The following HYDIN variants were observed in gnomAD, a reference collection of about 807,000 sequenced individuals.
HYDIN encodes HYDIN axonemal central pair apparatus protein.
Under a neutral mutation model 403.9 loss-of-function variants are expected in HYDIN, and 132 were observed. The observed-to-expected ratio is 0.33, with a 90% CI of 0.28 to 0.38. The LOEUF is 0.38. Among genes scored for constraint, HYDIN ranks in the 10% least tolerant of loss-of-function variants. The pLI is 1.00. For missense variants in HYDIN, 2,827 were observed against 5,009.5 expected (o/e 0.56, Z 13.15); for synonymous variants, 1,202 against 1,891.7 (o/e 0.64, Z 9.46).
Position 71,082,962 on chromosome 16 carries a change from T to TA in HYDIN, c.1671-3011dup, listed in dbSNP as rs1741579759. Among the ~76,000 whole-genome samples, 2 of 151,840 alleles carry TA rather than the reference T, an allele frequency of 1.3e-5. 1 individual carries two copies. Among genetic ancestry groups the TA allele is most frequent in the African/African-American group, 4.8e-5 (2 of 41,318 alleles). On this transcript the variant is annotated intron_variant, in intron 12 of 85. Coordinates refer to ENST00000393567, the MANE Select transcript of HYDIN (RefSeq NM_001270974.2). ...ACTACAGTCAATTTGAAAACGTTTT[T>TA]ATCACCTCAAAAAGAAACCTCATGC...
At chr16:71,073,412 G>A (rs4327057) in intron 13 of HYDIN, among the ~76,000 whole-genome samples, 4,444 of 152,036 alleles carry the variant, frequency 0.029, 479 homozygotes, top group Admixed American at 0.21. Context: ...ATTACAATCC[G>A]GTTTTGCTCC....
At chr16:71,161,615 G>A (rs113628996) in intron 6 of HYDIN, among the ~76,000 whole-genome samples, 1 of 152,150 alleles carries the variant, frequency 6.6e-6, no homozygotes, top group Non-Finnish European at 1.5e-5. Context: ...AGCTCACCAC[G>A]CTGAACTCTT....
At position 70,981,560 on chromosome 16, in the gene HYDIN, G is replaced by T. The variant is rs762867957; in HGVS notation, c.4341C>A (p.Ile1447=). The T allele has an allele frequency of 6.2e-7, 1 of 1,611,808 alleles. No individual in the cohort carries two copies. The highest frequency in any genetic ancestry group is 1.3e-5 in the African/African-American group (1 of 74,854). ...TTAATACCTGCTCTTGATGTGAACT[G>T]ATAAAGCCCTACGCGGTAGAAAGAC... The part of the protein sequence containing the change: ...VPLILPVSGF[I]SSHQEQVLKV... The change falls in exon 29 of 86, where the codon ATC becomes ATA. Residue 1447 remains isoleucine (I), a synonymous_variant. Coordinates refer to ENST00000393567, the MANE Select transcript of HYDIN (RefSeq NM_001270974.2).
At chr16:71,051,667 AAC>A (rs2081652530) in intron 18 of HYDIN, among the ~76,000 whole-genome samples, 3 of 112,198 alleles carry the variant, frequency 2.7e-5, no homozygotes, top group African/African-American at 9.6e-5. Context: ...AAACAAAAAA[AAC>A]AAAAAAAAGA....
chr16:71,012,214 A>G (rs1261658707), intron 23 of HYDIN, among the ~76,000 whole-genome samples: 1 of 152,308 alleles, frequency 6.6e-6, no homozygotes, highest in East Asian at 1.9e-4. Context: ...CAAGCTGATC[A>G]GTTAGACTGA....
At chr16:70,960,940 C>T (rs2078398505) in intron 38 of HYDIN, among the ~76,000 whole-genome samples, 1 of 152,260 alleles carries the variant, frequency 6.6e-6, no homozygotes, top group Non-Finnish European at 1.5e-5. Flanking sequence ...ATCCGCCTGC[C>T]TTGGCCTCCC....
intron 1 of HYDIN, among the ~76,000 whole-genome samples, chr16:71,228,603 A>G (rs1410551276): frequency 6.6e-6 from 1 of 152,220 alleles, no homozygotes; most frequent in Admixed American, 6.5e-5. Context: ...CAAAACCACA[A>G]TAAGATACCA....
At chr16:71,199,089 G>T (rs555505138) in intron 1 of HYDIN, among the ~76,000 whole-genome samples, 2 of 152,128 alleles carry the variant, frequency 1.3e-5, no homozygotes, top group Non-Finnish European at 2.9e-5. Context: ...ATGAGACGGC[G>T]TATCTTTTCA....
At chr16:71,041,422 T>A (rs2144196884) in intron 18 of HYDIN, among the ~76,000 whole-genome samples, 1 of 152,320 alleles carries the variant, frequency 6.6e-6, no homozygotes. Flanking sequence ...TCAGCAAAAT[T>A]AAGACACAAG....
At chr16:70,839,944 T>G (rs2037701735) in intron 76 of HYDIN, 120 bp downstream of exon 76, 1 of 663,790 alleles carries the variant, frequency 1.5e-6, no homozygotes, top group Admixed American at 3.0e-5. Context: ...CCACTTTTGT[T>G]TGACTCTTTC....
At chr16:70,916,244 G>A (rs1267727187) in intron 47 of HYDIN, among the ~76,000 whole-genome samples, 1 of 152,120 alleles carries the variant, frequency 6.6e-6, no homozygotes, top group Non-Finnish European at 1.5e-5. Flanking sequence ...GCCTCTGGCT[G>A]TCCTCCTGAA....
At chr16:70,976,387 G>A (rs570296932) in intron 30 of HYDIN, among the ~76,000 whole-genome samples, 476 of 151,620 alleles carry the variant, frequency 3.1e-3, no homozygotes, top group Non-Finnish European at 5.2e-3. Flanking sequence ...TGGGTTGGAG[G>A]GAGATTTTGT....
chr16:70,955,397 G>A lies in HYDIN; in HGVS notation c.6294C>T (p.Ser2098=), dbSNP rs371667050. 8.1e-6 allele frequency: 13 copies of A among 1,609,750 alleles called. No individual in the cohort carries two copies. Among genetic ancestry groups the A allele is most frequent in the Admixed American group, 6.8e-5 (4 of 58,634 alleles). Residue 2098 remains serine (S), a synonymous_variant, in exon 40 of 86, where the codon TCC becomes TCT. Coordinates refer to ENST00000393567, the MANE Select transcript of HYDIN (RefSeq NM_001270974.2). ...ELCIRAAIEQ[S]VKEGEEAAQE... ...TACCAGCCTCCTCTCCTTCCTTCACGGACTGCTCTATGGCAGCCCTGATGC... is the reference window on the plus strand; with the variant it reads ...TACCAGCCTCCTCTCCTTCCTTCACAGACTGCTCTATGGCAGCCCTGATGC...
In HYDIN at chr16:70,860,097, C is replaced by T. The variant is rs2039311735; in HGVS notation, c.12100G>A (p.Gly4034Ser). ...GCTTTCTTTTCAGGGTGGATGAAGC[C>T]CTTTTCTGTAAGGCATGTGAATGCT... ...PAAFTCLTEK[G>S]FIHPEKKAEI... Residue 4034 changes from glycine to serine, a missense_variant, in exon 71 of 86, where the codon GGC becomes AGC. Gly to Ser is a moderately conservative substitution (Grantham distance 56). Transcript: ENST00000393567. The T allele has an allele frequency of 6.2e-7, 1 of 1,611,818 alleles. No individual in the cohort carries two copies. The highest frequency in any genetic ancestry group is 8.5e-7 in the Non-Finnish European group (1 of 1,178,936).
At chr16:71,089,186 G>C (rs6416727) in intron 11 of HYDIN, among the ~76,000 whole-genome samples, 1 of 150,942 alleles carries the variant, frequency 6.6e-6, no homozygotes, top group Non-Finnish European at 1.5e-5. Context: ...ATTGCCCATA[G>C]GTGGTTGCAC....
intron 5 of HYDIN, among the ~76,000 whole-genome samples, chr16:71,163,889 G>A (rs1177120440): frequency 1.3e-5 from 2 of 152,126 alleles, no homozygotes; most frequent in East Asian, 1.9e-4. Flanking sequence ...TAACTGATGC[G>A]TAAGTCAGTT....
intron 1 of HYDIN, among the ~76,000 whole-genome samples, chr16:71,216,463 G>A (rs560834892): frequency 2.0e-5 from 3 of 152,228 alleles, no homozygotes; most frequent in South Asian, 2.1e-4. Flanking sequence ...TAGAACCCAA[G>A]AATGACTGTA....
At chr16:71,124,192 G>T (rs1259614597) in intron 9 of HYDIN, among the ~76,000 whole-genome samples, 1 of 151,754 alleles carries the variant, frequency 6.6e-6, no homozygotes, top group East Asian at 2.0e-4. Context: ...ACTCCTCAAG[G>T]CTTGAGCAAT....
In HYDIN at chr16:70,920,936, G is replaced by C. The variant is rs891196270; in HGVS notation, c.7440C>G (p.Val2480=). The change falls in exon 46 of 86, where the codon GTC becomes GTG. Residue 2480 remains valine (V), a synonymous_variant. Transcript: ENST00000393567. ...ILMYWDRKQG[V]QLPPAGMEEA... is the part of the protein sequence containing the mutation. ...CCTCCATCCCTGCAGGAGGCAGCTG[G>C]ACTCCTTGCTTCCGGTCCCAGTACA... 2 of 1,613,172 alleles carry C rather than the reference G, an allele frequency of 1.2e-6. No individual in the cohort carries two copies. The highest frequency in any genetic ancestry group is 8.5e-7 in the Non-Finnish European group (1 of 1,179,586).
Sources: allele counts gnomAD v4.1 joint callset (sites outside exome capture counted in the v4.1 genomes callset), GRCh38; gene constraint gnomAD v4.1.1; transcripts MANE v1.5; gene names NCBI Gene and HGNC (gene_info 2026-07-23, HGNC 2026-07-21).